The following PLCB1 variants were observed in gnomAD, a reference collection of about 807,000 sequenced individuals.
PLCB1 encodes the protein phospholipase C beta 1.
PLCB1 carries 46 observed loss-of-function variants against 161.8 expected under a neutral mutation model. The observed-to-expected ratio is 0.28, with a 90% confidence interval of 0.22 to 0.36. The LOEUF is 0.36. Ranked by LOEUF, PLCB1 falls within the 10% of genes least tolerant of loss-of-function variation. PLCB1 has a pLI of 1.00. For synonymous variants in PLCB1, 517 were observed against 503.7 expected (o/e 1.03, Z -0.35); for missense variants, 1,016 against 1,472.5 (o/e 0.69, Z 5.07).
chr20:8,452,298 G>C (rs1286261873), intron 3 of PLCB1, among the ~76,000 whole-genome samples: 1 of 151,996 alleles, frequency 6.6e-6, no homozygotes, highest in African/African-American at 2.4e-5. Flanking sequence ...AAGTTCAAAA[G>C]AAAGGTGATC....
At chr20:8,374,752 A>C (rs971172287) in intron 3 of PLCB1, among the ~76,000 whole-genome samples, 3 of 152,230 alleles carry the variant, frequency 2.0e-5, no homozygotes, top group East Asian at 3.8e-4. Context: ...CAGAAAGGCA[A>C]TGTAACAAAA....
intron 2 of PLCB1, among the ~76,000 whole-genome samples, chr20:8,349,030 A>G (rs1986089191): frequency 6.6e-6 from 1 of 152,198 alleles, no homozygotes; most frequent in African/African-American, 2.4e-5. Context: ...ATACATATAT[A>G]TACACACACA....
chr20:8,225,862 A>C (rs540821466), intron 2 of PLCB1, among the ~76,000 whole-genome samples: 9 of 152,228 alleles, frequency 5.9e-5, no homozygotes, highest in Non-Finnish European at 1.2e-4. Context: ...TTTCATTTCA[A>C]GTTTATCTTT....
At chr20:8,773,241 A>G (rs561472900) in intron 26 of PLCB1, among the ~76,000 whole-genome samples, 11 of 152,346 alleles carry the variant, frequency 7.2e-5, no homozygotes, top group Non-Finnish European at 1.5e-4. Context: ...CTATCGGACC[A>G]CAAGTGAAAA....
intron 2 of PLCB1, among the ~76,000 whole-genome samples, chr20:8,293,060 GATGTCATATGTGGTCACATTCATTA>G: frequency 6.6e-6 from 1 of 152,124 alleles, no homozygotes; most frequent in African/African-American, 2.4e-5. Flanking sequence ...AGTGTGATTT[GATGTCATATGTGGTCACATTCATTA>G]ATGTCACCAC....
At chr20:8,739,603 C>T (rs762000019) in intron 21 of PLCB1, among the ~76,000 whole-genome samples, 1 of 152,178 alleles carries the variant, frequency 6.6e-6, no homozygotes, top group African/African-American at 2.4e-5. Context: ...TATTTATCTT[C>T]GTGCTCATAG....
chr20:8,727,206 A>T, intron 16 of PLCB1, 103 bp from the exon 17 acceptor site: 1 of 578,724 alleles, frequency 1.7e-6, no homozygotes, highest in South Asian at 2.5e-5. Context: ...TTTGCCCTCA[A>T]CTTCACTGAA....
intron 1 of PLCB1, among the ~76,000 whole-genome samples, chr20:8,133,121 C>G (rs2051309818): frequency 6.6e-6 from 1 of 152,120 alleles, no homozygotes; most frequent in African/African-American, 2.4e-5. Flanking sequence ...GAACAAATCG[C>G]GTCCCTCTCC....
At position 8,343,947 on chromosome 20, in the gene PLCB1, C is replaced by T. The variant is rs6055764; in HGVS notation, c.178-27435C>T. On this transcript the variant is annotated intron_variant, in intron 2 of 31. Transcript: ENST00000338037. ...CAGGATTGGCTGACGTACTCGTTGA[C>T]ATCAGGATTCCACTGTCAACCTCCA... 3.2e-3 allele frequency among the ~76,000 whole-genome samples: 485 copies of T among 152,302 alleles called. 2 individuals are homozygous for T. The highest frequency in any genetic ancestry group is 0.011 in the African/African-American group (450 of 41,566).
chr20:8,687,130 A>G lies in PLCB1; in HGVS notation c.1009+2052A>G, dbSNP rs543399920. On this transcript the variant is annotated intron_variant, in intron 10 of 31. Coordinates refer to ENST00000338037, the MANE Select transcript of PLCB1 (RefSeq NM_015192.4). ...AGTCCCGATCTCCTGGGCTCAAGCA[A>G]TCCTCCCACCTCAGCCTCCTGAGTA... is the stretch of plus-strand genomic sequence containing the variant. Among the ~76,000 whole-genome samples, 4 of 151,752 alleles carry G rather than the reference A, an allele frequency of 2.6e-5. No homozygotes were observed. In the East Asian group the frequency reaches 7.8e-4, roughly 30 times the overall value.
At chr20:8,360,760 A>AG (rs1464123698) in intron 2 of PLCB1, among the ~76,000 whole-genome samples, 1 of 152,182 alleles carries the variant, frequency 6.6e-6, no homozygotes, top group South Asian at 2.1e-4. Context: ...TTTGAAAGGG[A>AG]GGGGAAAAAA....
intron 3 of PLCB1, among the ~76,000 whole-genome samples, chr20:8,584,760 G>A (rs1428913757): frequency 2.0e-5 from 3 of 151,950 alleles, no homozygotes; most frequent in South Asian, 2.1e-4. Context: ...GCACGATCTC[G>A]GCTCACTGCA....
chr20:8,731,530 A>T (rs542059913), intron 18 of PLCB1, among the ~76,000 whole-genome samples: 1 of 152,072 alleles, frequency 6.6e-6, no homozygotes, highest in East Asian at 1.9e-4. Context: ...TTTGAGTCAG[A>T]TATTCTTTAA....
intron 3 of PLCB1, among the ~76,000 whole-genome samples, chr20:8,584,051 C>T (rs1025357909): frequency 1.2e-4 from 19 of 152,162 alleles, no homozygotes; most frequent in Non-Finnish European, 2.2e-4. Flanking sequence ...CAGAGAAAAA[C>T]GATATTGGTT....
chr20:8,561,901 C>G (rs1336402188), intron 3 of PLCB1, among the ~76,000 whole-genome samples: 2 of 151,980 alleles, frequency 1.3e-5, no homozygotes, highest in Non-Finnish European at 1.5e-5. Context: ...AGCCTATTCC[C>G]TCCACCCATC....
At chr20:8,268,671 A>G (rs1280055247) in intron 2 of PLCB1, among the ~76,000 whole-genome samples, 1 of 152,212 alleles carries the variant, frequency 6.6e-6, no homozygotes, top group Non-Finnish European at 1.5e-5. Context: ...AACTAGTGTG[A>G]CATGGTATCT....
intron 3 of PLCB1, among the ~76,000 whole-genome samples, chr20:8,417,145 G>A (rs1979335482): frequency 7.9e-6 from 1 of 127,098 alleles, no homozygotes; most frequent in South Asian, 2.6e-4. Context: ...GGAGTGCAGT[G>A]GCGCAATCTC....
chr20:8,750,793 G>C (rs752396286), intron 23 of PLCB1: 1 of 1,319,782 alleles, frequency 7.6e-7, no homozygotes, highest in South Asian at 1.2e-5. Flanking sequence ...GACAATATTT[G>C]TCCTGAGTAG....
At chr20:8,560,166 C>T (rs1326657623) in intron 3 of PLCB1, among the ~76,000 whole-genome samples, 1 of 151,922 alleles carries the variant, frequency 6.6e-6, no homozygotes, top group African/African-American at 2.4e-5. Context: ...GGAGTGAGGC[C>T]CTAAGACCTG....
Sources: allele counts gnomAD v4.1 joint callset (sites outside exome capture counted in the v4.1 genomes callset), GRCh38; gene constraint gnomAD v4.1.1; transcripts MANE v1.5; gene names NCBI Gene and HGNC (gene_info 2026-07-23, HGNC 2026-07-21).